Variants in ACSL6 observed in about 807,000 individuals in gnomAD.
The protein encoded by ACSL6 is acyl-CoA synthetase long chain family member 6.
In ACSL6, 47 loss-of-function variants were observed where a neutral mutation model predicts 98.2. That is an observed-to-expected ratio of 0.48 (90% CI 0.38 to 0.61). The LOEUF is 0.61. Ranked by LOEUF, ACSL6 falls within the 20% of genes least tolerant of loss-of-function variation. The probability of loss-of-function intolerance (pLI) is 0.00; values close to 1 mark genes in which losing one functional copy is unlikely to be tolerated. For synonymous variants in ACSL6, 362 were observed against 336.9 expected, an observed-to-expected ratio of 1.07 and a Z score of -0.82; for missense variants, 761 against 913.4, an observed-to-expected ratio of 0.83 and a Z score of 2.15.
At chr5:131,962,386 A>C (rs1220323124) in intron 18 of ACSL6, 149 bp downstream of exon 18, 3 of 908,320 alleles carry the variant, frequency 3.3e-6, no homozygotes, top group Non-Finnish European at 4.8e-6. Context: ...TTAACAAACT[A>C]TAAGTAAGAT....
At chr5:132,005,500 T>C (rs1755355189) in intron 1 of ACSL6, among the ~76,000 whole-genome samples, 1 of 152,232 alleles carries the variant, frequency 6.6e-6, no homozygotes, top group Non-Finnish European at 1.5e-5. Context: ...ACATGCCACC[T>C]TGCTGATCTC....
At chr5:132,007,382 T>C (rs536498382) in intron 1 of ACSL6, among the ~76,000 whole-genome samples, 143 of 152,362 alleles carry the variant, frequency 9.4e-4, no homozygotes, top group Non-Finnish European at 1.5e-3. Context: ...CTGGAATGCC[T>C]TTTCTTTTCC....
chr5:131,966,707 T>C (rs1406611435), intron 16 of ACSL6, among the ~76,000 whole-genome samples, 175 bp from the exon 17 acceptor site: 4 of 152,198 alleles, frequency 2.6e-5, no homozygotes, highest in Non-Finnish European at 5.9e-5. Flanking sequence ...AACTGTCTCC[T>C]GCCTTCTGTC....
Position 131,976,889 on chromosome 5 carries a change from C to T in ACSL6, c.917-168G>A, listed in dbSNP as rs1046568134. 5.9e-5 allele frequency among the ~76,000 whole-genome samples: 9 copies of T among 152,314 alleles called. No individual in the cohort carries two copies. The South Asian group carries it at 8.3e-4, about 14-fold the overall frequency. ...GGCAGATGAATGCTGCTTCAGGGACCGCTATCCTATAGACATAGCCTACCA... is the reference window on the plus strand; with the variant it reads ...GGCAGATGAATGCTGCTTCAGGGACTGCTATCCTATAGACATAGCCTACCA... On this transcript the variant is annotated intron_variant, in intron 9 of 20. Transcript: ENST00000651883.
In ACSL6 at chr5:132,004,679, C is replaced by T. The variant is rs11748560; in HGVS notation, c.49+6826G>A. On this transcript the variant is annotated intron_variant, in intron 1 of 20. Transcript: ENST00000651883. Reference sequence around the variant, plus strand: ...TCAGAATGACCTAGAAAAGTTGGTTCCACAGGTCATAGCCTTCCATATCTG... The same window carrying T: ...TCAGAATGACCTAGAAAAGTTGGTTTCACAGGTCATAGCCTTCCATATCTG... Among the ~76,000 whole-genome samples, 420 of 152,272 alleles carry T rather than the reference C, an allele frequency of 2.8e-3. 2 individuals carry two copies. The highest frequency in any genetic ancestry group is 4.8e-3 in the South Asian group (23 of 4,828).
Position 131,950,706 on chromosome 5 carries a change from A to G in ACSL6, c.*3528T>C, listed in dbSNP as rs781653549. ...TAACTATATTGCATTTGTGCTTCAT[A>G]CATTTGGAAAATAAAGGATATTTCA... On this transcript the variant is annotated 3_prime_UTR_variant, in exon 21 of 21. Coordinates refer to ENST00000651883, the MANE Select transcript of ACSL6 (RefSeq NM_001009185.3). 31 of 192,016 alleles carry G rather than the reference A, an allele frequency of 1.6e-4. No individual in the cohort carries two copies. The highest frequency in any genetic ancestry group is 2.4e-4 in the Non-Finnish European group (22 of 91,820). The allele number at this position is 192,016 out of a possible 1,614,324, so 11.9% of individuals were successfully genotyped here.
intron 1 of ACSL6, among the ~76,000 whole-genome samples, chr5:132,002,242 G>C (rs954798069): frequency 6.6e-6 from 1 of 152,186 alleles, no homozygotes; most frequent in South Asian, 2.1e-4. Context: ...GCTGTAACAC[G>C]ATCCTTTGCC....
chr5:131,973,593 C>T (rs1753440310), intron 11 of ACSL6, 193 bp from the exon 12 acceptor site: 1 of 492,706 alleles, frequency 2.0e-6, no homozygotes, highest in Non-Finnish European at 3.6e-6. Flanking sequence ...CCAAGTCCCA[C>T]TCAGGCACAG....
chr5:131,993,528 AAC>A (rs1413840105), intron 2 of ACSL6, among the ~76,000 whole-genome samples: 2 of 152,206 alleles, frequency 1.3e-5, no homozygotes, highest in Non-Finnish European at 2.9e-5. Context: ...TTAATAATGA[AAC>A]ACACCTCACC....
At chr5:131,976,769 A>G (rs1753643601) in intron 9 of ACSL6, 48 bp from the exon 10 acceptor site, 1 of 1,526,546 alleles carries the variant, frequency 6.6e-7, no homozygotes, top group African/African-American at 1.4e-5. Context: ...CTCAAGGGCC[A>G]CTTCTTGAGA....
rs376345199 is a variant in ACSL6, at chr5:132,001,575, G to A, written c.50-7324C>T. The stretch of plus-strand genomic sequence containing the variant: ...CCAGGATACGATACGGGGTTGCCAG[G>A]TTACATGGTGGCTCACCTGCCAAGC... On this transcript the variant is annotated intron_variant, in intron 1 of 20. Transcript: ENST00000651883. 2.7e-4 allele frequency among the ~76,000 whole-genome samples: 41 copies of A among 152,306 alleles called. No homozygotes were observed. The South Asian group carries it at 8.5e-3, about 32-fold the overall frequency.
At chr5:131,990,767 TG>T in intron 3 of ACSL6, 85 bp downstream of exon 3, 1 of 1,247,378 alleles carries the variant, frequency 8.0e-7, no homozygotes, top group Non-Finnish European at 1.2e-6. Context: ...GCCATGGCCC[TG>T]GTATCATGCT....
chr5:131,981,555 A>G (rs1385078016), intron 9 of ACSL6, among the ~76,000 whole-genome samples: 3 of 152,182 alleles, frequency 2.0e-5, no homozygotes, highest in Non-Finnish European at 4.4e-5. Flanking sequence ...GTAAAACCAC[A>G]GGGTAATTAA....
In ACSL6 at chr5:131,950,996, C is replaced by T. The variant is rs192024577; in HGVS notation, c.*3238G>A. ...ATGGGGCTAGGCCTACACACTATACCTGACCAGAGTCCCGTCTCTCATTTG... is the reference window on the plus strand; with the variant it reads ...ATGGGGCTAGGCCTACACACTATACTTGACCAGAGTCCCGTCTCTCATTTG... On this transcript the variant is annotated 3_prime_UTR_variant, in exon 21 of 21. Coordinates refer to ENST00000651883, the MANE Select transcript of ACSL6 (RefSeq NM_001009185.3). 147 of 195,104 alleles carry T rather than the reference C, an allele frequency of 7.5e-4. No homozygotes were observed. Among genetic ancestry groups the T allele is most frequent in the South Asian group, 6.0e-3 (31 of 5,196 alleles). The allele number at this position is 195,104 out of a possible 1,614,324, so 12.1% of individuals were successfully genotyped here. A position where few individuals can be genotyped will look rare whatever the true frequency, so the allele number is the denominator to read the frequency against.
chr5:131,994,381 A>C (rs563877497), intron 1 of ACSL6, 130 bp from the exon 2 acceptor site: 1 of 756,648 alleles, frequency 1.3e-6, no homozygotes, highest in Non-Finnish European at 2.1e-6. Context: ...GGATGTACAG[A>C]GTGCACCCCA....
chr5:131,977,236 G>T (rs1753670525), intron 9 of ACSL6, among the ~76,000 whole-genome samples: 1 of 152,224 alleles, frequency 6.6e-6, no homozygotes, highest in Non-Finnish European at 1.5e-5. Flanking sequence ...CTTCCTGCCT[G>T]CTCCTTGGCA....
At chr5:131,980,336 G>C (rs1753824668) in intron 9 of ACSL6, among the ~76,000 whole-genome samples, 1 of 152,160 alleles carries the variant, frequency 6.6e-6, no homozygotes, top group Non-Finnish European at 1.5e-5. Flanking sequence ...GGGCTAGTAA[G>C]AATAGAAATA....
chr5:132,004,574 C>T (rs929796517), intron 1 of ACSL6, among the ~76,000 whole-genome samples: 3 of 152,158 alleles, frequency 2.0e-5, no homozygotes, highest in African/African-American at 7.2e-5. Flanking sequence ...TTCATGAAGC[C>T]AAGGTGCCAG....
chr5:132,002,702 G>A (rs1025622867), intron 1 of ACSL6, among the ~76,000 whole-genome samples: 1 of 152,152 alleles, frequency 6.6e-6, no homozygotes, highest in African/African-American at 2.4e-5. Context: ...CAGGGCTATC[G>A]AAGAGGGACA....
Sources: gnomAD v4.1 joint callset for allele counts (sites outside exome capture counted in the v4.1 genomes callset) on GRCh38, gnomAD v4.1.1 for gene constraint, MANE v1.5 for transcripts, NCBI Gene and HGNC (gene_info 2026-07-23, HGNC 2026-07-21) for gene names.